SAMD12: variants seen among roughly 807,000 people sequenced by gnomAD.
SAMD12 encodes the protein sterile alpha motif domain containing 12.
SAMD12 carries 9 observed loss-of-function variants against 15.0 expected under a neutral mutation model. The observed-to-expected ratio is 0.60, with a 90% confidence interval of 0.36 to 1.05. The LOEUF (loss-of-function observed/expected upper bound fraction) is 1.05. Among genes scored for constraint, SAMD12 ranks in the 50% least tolerant of loss-of-function variants. The pLI is 0.01. For synonymous variants in SAMD12, 86 were observed against 90.1 expected (o/e 0.96, Z 0.25); for missense variants, 230 against 234.2 (o/e 0.98, Z 0.12).
intron 2 of SAMD12, among the ~76,000 whole-genome samples, chr8:118,549,442 A>T (rs966818464): frequency 6.6e-6 from 1 of 152,226 alleles, no homozygotes; most frequent in African/African-American, 2.4e-5. Context: ...GACCTCTAGC[A>T]AACTCCAACA....
At chr8:118,467,772 T>G (rs1823640349) in intron 2 of SAMD12, among the ~76,000 whole-genome samples, 1 of 151,968 alleles carries the variant, frequency 6.6e-6, no homozygotes, top group Admixed American at 6.6e-5. Flanking sequence ...AAATGCGGAG[T>G]AGATGGTACC....
intron 4 of SAMD12, among the ~76,000 whole-genome samples, chr8:118,285,576 G>T (rs532840574): frequency 6.6e-6 from 1 of 152,270 alleles, no homozygotes; most frequent in South Asian, 2.1e-4. Context: ...GCAACAGCAC[G>T]CTTGAAAAAC....
chr8:118,148,540 T>C, the SAMD12 span, among the ~76,000 whole-genome samples: 3 of 152,216 alleles, frequency 2.0e-5, no homozygotes, highest in Non-Finnish European at 4.4e-5. Context: ...AGTTATAATA[T>C]ATATACCATA....
chr8:118,425,139 C>G (rs62533400), intron 3 of SAMD12, among the ~76,000 whole-genome samples: 1 of 151,964 alleles, frequency 6.6e-6, no homozygotes, highest in South Asian at 2.1e-4. Flanking sequence ...AGGGTTTCAC[C>G]GTGTTAGCCA....
At chr8:118,537,585 T>C (rs774650119) in intron 2 of SAMD12, among the ~76,000 whole-genome samples, 5 of 152,192 alleles carry the variant, frequency 3.3e-5, no homozygotes, top group African/African-American at 9.7e-5. Flanking sequence ...TTCTTCAGTA[T>C]GTCAATTGCA....
chr8:118,286,016 A>G (rs1227291499), intron 4 of SAMD12, among the ~76,000 whole-genome samples: 1 of 152,144 alleles, frequency 6.6e-6, no homozygotes, highest in Non-Finnish European at 1.5e-5. Flanking sequence ...TGTCCTTTGT[A>G]GGGACATGGA....
chr8:118,440,015 C>T, intron 2 of SAMD12, 54 bp from the exon 3 acceptor site: 2 of 1,588,350 alleles, frequency 1.3e-6, no homozygotes, highest in Non-Finnish European at 1.7e-6. Context: ...TAGGAAGACA[C>T]TATAGTTAAA....
At chr8:118,242,634 G>A (rs1446934971) in intron 4 of SAMD12, among the ~76,000 whole-genome samples, 1 of 151,882 alleles carries the variant, frequency 6.6e-6, no homozygotes, top group Non-Finnish European at 1.5e-5. Flanking sequence ...GCCTCCACTG[G>A]GGGGTCTTGG....
intron 2 of SAMD12, among the ~76,000 whole-genome samples, chr8:118,543,702 C>A (rs1336745959): frequency 7.0e-6 from 1 of 142,214 alleles, no homozygotes; most frequent in South Asian, 2.2e-4. Context: ...CAAGACAACT[C>A]TTCTTCTTCC....
At chr8:118,541,388 T>C (rs1825981499) in intron 2 of SAMD12, among the ~76,000 whole-genome samples, 1 of 152,214 alleles carries the variant, frequency 6.6e-6, no homozygotes, top group South Asian at 2.1e-4. Context: ...GGCAAGTCAT[T>C]GGGCATCAGT....
intron 4 of SAMD12, among the ~76,000 whole-genome samples, chr8:118,318,355 T>TATATACATAC (rs1554630371): frequency 9.0e-6 from 1 of 110,830 alleles, no homozygotes; most frequent in African/African-American, 3.2e-5. Context: ...TATATATATA[T>TATATACATAC]ACATATATAC....
intron 4 of SAMD12, among the ~76,000 whole-genome samples, chr8:118,268,622 C>T (rs1279090392): frequency 1.3e-5 from 2 of 152,016 alleles, no homozygotes; most frequent in East Asian, 1.9e-4. Flanking sequence ...CAAGACCAGC[C>T]TGGCCAACAT....
chr8:118,203,727 T>C (rs1336100281), intron 4 of SAMD12, among the ~76,000 whole-genome samples: 5 of 138,584 alleles, frequency 3.6e-5, no homozygotes, highest in Non-Finnish European at 6.3e-5. Flanking sequence ...GCTATCCCTC[T>C]CCCCTCCCCC....
intron 4 of SAMD12, among the ~76,000 whole-genome samples, chr8:118,250,056 G>A (rs1812783928): frequency 6.6e-6 from 1 of 151,966 alleles, no homozygotes; most frequent in African/African-American, 2.4e-5. Context: ...CTTAGACTAA[G>A]TTTCTGGCCT....
chr8:118,455,941 T>C (rs1823237246), intron 2 of SAMD12, among the ~76,000 whole-genome samples: 1 of 152,240 alleles, frequency 6.6e-6, no homozygotes, highest in Non-Finnish European at 1.5e-5. Flanking sequence ...ATTTCTCACC[T>C]AGACTCTGGC....
intron 2 of SAMD12, among the ~76,000 whole-genome samples, chr8:118,543,527 C>A (rs56123443): frequency 0.068 from 10,297 of 152,150 alleles, 407 homozygotes; most frequent in Non-Finnish European, 0.092. Context: ...TTGTCCAATC[C>A]GCGGCCTGCA....
chr8:118,617,796 C>T (rs1828274223), intron 1 of SAMD12, among the ~76,000 whole-genome samples: 1 of 152,138 alleles, frequency 6.6e-6, no homozygotes, highest in Non-Finnish European at 1.5e-5. Flanking sequence ...GGCGCCATCC[C>T]TGGAATACAG....
chr8:118,492,217 T>C (rs555097906), intron 2 of SAMD12, among the ~76,000 whole-genome samples: 2 of 151,920 alleles, frequency 1.3e-5, no homozygotes, highest in African/African-American at 4.8e-5. Context: ...GGACTAATGA[T>C]GTTGAGCACA....
intron 2 of SAMD12, among the ~76,000 whole-genome samples, chr8:118,534,593 A>T (rs1014665565): frequency 1.3e-5 from 2 of 152,114 alleles, no homozygotes; most frequent in East Asian, 3.8e-4. Context: ...TCAGACGTAG[A>T]TCTTGTCTTT....
Sources: allele counts gnomAD v4.1 joint callset (sites outside exome capture counted in the v4.1 genomes callset), GRCh38; gene constraint gnomAD v4.1.1; transcripts MANE v1.5; gene names NCBI Gene and HGNC (gene_info 2026-07-23, HGNC 2026-07-21).